Variants in FAM186A observed in about 807,000 individuals in gnomAD.
FAM186A encodes the protein protein FAM186A.
In FAM186A, 163 loss-of-function variants were observed where a neutral mutation model predicts 216.8. The observed-to-expected ratio is 0.75, with a 90% CI of 0.66 to 0.86. FAM186A has a LOEUF of 0.86. Ranked by LOEUF, FAM186A falls within the 40% of genes least tolerant of loss-of-function variation. The pLI, the probability that FAM186A is intolerant of heterozygous loss-of-function variation, is 0.00. For missense variants in FAM186A, 2,184 were observed against 2,746.2 expected, an observed-to-expected ratio of 0.80 and a Z score of 4.58; for synonymous variants, 805 against 1,025.3, an observed-to-expected ratio of 0.79 and a Z score of 4.10.
Position 50,354,028 on chromosome 12 carries a change from T to C in FAM186A, c.2804A>G (p.Gln935Arg). 1.9e-6 allele frequency: 3 copies of C among 1,551,746 alleles called. No homozygotes were observed. Among genetic ancestry groups the C allele is most frequent in the Non-Finnish European group, 2.6e-6 (3 of 1,147,006 alleles). Residue 935 changes from glutamine (Q) to arginine (R), a missense_variant, in exon 4 of 8, where the codon CAA becomes CGA. Physicochemically the swap from Gln to Arg is conservative, Grantham distance 43. Around this residue, in one of 7 missense-constraint regions of FAM186A, gnomAD observed 1,132 missense variants for 1,263.4 expected, o/e 0.90. Transcript: ENST00000327337. ...LEEGTQKMKTQGLLLEKENGQ... is the reference protein window; with the variant it reads ...LEEGTQKMKTRGLLLEKENGQ... ...ATTCTCCTTTTCCAAGAGCAACCCT[T>C]GTGTTTTCATTTTTTGGGTCCCTTC...
At chr12:50,365,252 A>G (rs1197221841) in intron 1 of FAM186A, among the ~76,000 whole-genome samples, 1 of 152,158 alleles carries the variant, frequency 6.6e-6, no homozygotes, top group African/African-American at 2.4e-5. Context: ...CTGAATTTGT[A>G]TCAGCCTCCA....
chr12:50,367,417 C>T (rs1420712531), intron 1 of FAM186A, among the ~76,000 whole-genome samples: 1 of 149,220 alleles, frequency 6.7e-6, no homozygotes, highest in Non-Finnish European at 1.5e-5. Flanking sequence ...ACTCGGGAGG[C>T]TGAGGCAGGA....
intron 3 of FAM186A, 45 bp downstream of exon 3, chr12:50,360,711 T>C: frequency 6.9e-7 from 1 of 1,444,366 alleles, no homozygotes; most frequent in Non-Finnish European, 9.1e-7. Flanking sequence ...TAAGAAAAAG[T>C]CAAACTCCAT....
chr12:50,367,185 A>G (rs1387550528), intron 1 of FAM186A, among the ~76,000 whole-genome samples: 1 of 152,092 alleles, frequency 6.6e-6, no homozygotes, highest in African/African-American at 2.4e-5. Context: ...TTCACCATCT[A>G]TCTAACCTGG....
chr12:50,364,945 G>A (rs1943073008), intron 1 of FAM186A, among the ~76,000 whole-genome samples: 1 of 148,546 alleles, frequency 6.7e-6, no homozygotes, highest in African/African-American at 2.5e-5. Context: ...AGCTGAGGCA[G>A]GAGAATGTCT....
rs923360868 is a variant in FAM186A at position 50,327,509 on chromosome 12, A to G, written c.7035-105T>C. 75 of 777,436 alleles carry G rather than the reference A, an allele frequency of 9.6e-5. 1 individual carries two copies. Among genetic ancestry groups the G allele is most frequent in the Middle Eastern group, 7.4e-4 (2 of 2,706 alleles). The allele number at this position is 777,436 out of a possible 1,614,324, so 48.2% of individuals were successfully genotyped here. A position where few individuals can be genotyped will look rare whatever the true frequency, so the allele number is the denominator to read the frequency against. ...AAATAAAAGTGCCTCCAGAACTCAA[A>G]AAGATAAACTAGTAAAATCTGTATG... On this transcript the variant is annotated intron_variant, in intron 7 of 7. Coordinates refer to ENST00000327337, the MANE Select transcript of FAM186A (RefSeq NM_001145475.3).
intron 4 of FAM186A, among the ~76,000 whole-genome samples, chr12:50,343,806 G>A (rs1158129084): frequency 6.6e-6 from 1 of 152,066 alleles, no homozygotes; most frequent in Non-Finnish European, 1.5e-5. Flanking sequence ...TTTTAGTAGA[G>A]ACGGGGTTTC....
intron 3 of FAM186A, among the ~76,000 whole-genome samples, chr12:50,358,266 G>A (rs2136095561): frequency 6.6e-6 from 1 of 152,168 alleles, no homozygotes; most frequent in Non-Finnish European, 1.5e-5. Flanking sequence ...GAAAATATTT[G>A]CAAATCACTT....
chr12:50,347,015 A>C (rs1034651104), intron 4 of FAM186A, among the ~76,000 whole-genome samples: 5 of 143,578 alleles, frequency 3.5e-5, no homozygotes, highest in Non-Finnish European at 6.1e-5. Context: ...AAAAAAAAAA[A>C]ATAGATATAC....
At chr12:50,366,414 C>G (rs569961953) in intron 1 of FAM186A, among the ~76,000 whole-genome samples, 2 of 152,002 alleles carry the variant, frequency 1.3e-5, no homozygotes, top group Non-Finnish European at 2.9e-5. Flanking sequence ...TATATCGAAG[C>G]CAGACAAAGG....
intron 4 of FAM186A, among the ~76,000 whole-genome samples, chr12:50,338,689 G>GTAGTA (rs1190280654): frequency 6.6e-6 from 1 of 151,894 alleles, no homozygotes; most frequent in Non-Finnish European, 1.5e-5. Context: ...AGTATAATAG[G>GTAGTA]TAGTATAGTA....
intron 4 of FAM186A, 116 bp from the exon 5 acceptor site, chr12:50,334,219 G>T: frequency 1.1e-6 from 1 of 903,396 alleles, no homozygotes. Flanking sequence ...TGCCCAGGCT[G>T]GAGGTGCAAT....
intron 1 of FAM186A, among the ~76,000 whole-genome samples, chr12:50,384,247 G>A (rs1318197681): frequency 6.6e-6 from 1 of 151,864 alleles, no homozygotes; most frequent in Non-Finnish European, 1.5e-5. Flanking sequence ...ACCAGCCCGG[G>A]CAACATAGGA....
intron 4 of FAM186A, among the ~76,000 whole-genome samples, chr12:50,348,854 C>T (rs970010825): frequency 1.3e-5 from 2 of 152,054 alleles, no homozygotes; most frequent in Non-Finnish European, 2.9e-5. Flanking sequence ...CCACGCGTGG[C>T]CATTTTTTTG....
chr12:50,370,345 A>C (rs1332931996), intron 1 of FAM186A, among the ~76,000 whole-genome samples: 1 of 152,030 alleles, frequency 6.6e-6, no homozygotes, highest in Non-Finnish European at 1.5e-5. Flanking sequence ...ACCAATTTTA[A>C]AATGGGCAAA....
chr12:50,389,028 C>T (rs997377748), intron 1 of FAM186A, among the ~76,000 whole-genome samples: 1 of 151,272 alleles, frequency 6.6e-6, no homozygotes, highest in Non-Finnish European at 1.5e-5. Flanking sequence ...ACACTCCAGC[C>T]TGGGCAACAG....
rs114254495 is a variant in FAM186A, at chr12:50,353,088, C to T, written c.3744G>A (p.Ala1248=). ...GGGTGAGAGTGATTCCGAGAGCCTG[C>T]GCCTGCTGAGGGGTGAGAGGGATCC... ...QLGIPLTPQQ[A]QALGITLTPK... is the part of the protein sequence containing the mutation. The change falls in exon 4 of 8, where the codon GCG becomes GCA. Residue 1248 remains alanine (A), a synonymous_variant. Transcript: ENST00000327337. 4,318 of 1,473,874 alleles carry T rather than the reference C, an allele frequency of 2.9e-3. 126 individuals are homozygous for T. The African/African-American group carries it at 0.062, about 21-fold the overall frequency. The allele number at this position is 1,473,874 out of a possible 1,614,324, so 91.3% of individuals were successfully genotyped here. A position where few individuals can be genotyped will look rare whatever the true frequency, so the allele number is the denominator to read the frequency against.
intron 1 of FAM186A, among the ~76,000 whole-genome samples, chr12:50,374,272 G>A (rs1463362536): frequency 6.6e-6 from 1 of 151,376 alleles, no homozygotes; most frequent in Non-Finnish European, 1.5e-5. Context: ...TGCACATTGT[G>A]CACATGTACC....
At chr12:50,377,908 CA>C (rs890250985) in intron 1 of FAM186A, among the ~76,000 whole-genome samples, 48 of 151,184 alleles carry the variant, frequency 3.2e-4, no homozygotes, top group African/African-American at 1.2e-3. Flanking sequence ...AAGACTTCTG[CA>C]ATATGAAAGA....
Sources: allele counts gnomAD v4.1 joint callset (sites outside exome capture counted in the v4.1 genomes callset), GRCh38; gene constraint gnomAD v4.1.1; regional missense constraint gnomAD v4.1.1; transcripts MANE v1.5; gene names NCBI Gene and HGNC (gene_info 2026-07-23, HGNC 2026-07-21).